PTPRN2: variants seen among roughly 807,000 people sequenced by gnomAD.
The protein encoded by PTPRN2 is receptor-type tyrosine-protein phosphatase N2.
In PTPRN2, 74 loss-of-function variants were observed where a neutral mutation model predicts 118.8. The observed-to-expected ratio is 0.62, with a 90% CI of 0.52 to 0.76. PTPRN2 has a LOEUF of 0.76. Ranked by LOEUF, PTPRN2 falls within the 30% of genes least tolerant of loss-of-function variation. The pLI, the probability that PTPRN2 is intolerant of heterozygous loss-of-function variation, is 0.00. For synonymous variants in PTPRN2, 641 were observed against 608.0 expected (o/e 1.05, Z -0.80); for missense variants, 1,481 against 1,394.4 (o/e 1.06, Z -0.99).
chr7:157,715,227 A>T (rs150134044), intron 12 of PTPRN2, among the ~76,000 whole-genome samples: 5 of 152,202 alleles, frequency 3.3e-5, no homozygotes, highest in Non-Finnish European at 5.9e-5. Context: ...GCGGGAGTCC[A>T]GGCCGTGCGC....
At chr7:157,991,638 TGG>T (rs1804260810) in intron 11 of PTPRN2, among the ~76,000 whole-genome samples, 1 of 152,346 alleles carries the variant, frequency 6.6e-6, no homozygotes, top group African/African-American at 2.4e-5. Flanking sequence ...GCAGCCTGCC[TGG>T]GACCCAGTGA....
chr7:158,122,360 C>T (rs1230441055), intron 9 of PTPRN2, among the ~76,000 whole-genome samples: 4 of 152,190 alleles, frequency 2.6e-5, no homozygotes, highest in African/African-American at 9.7e-5. Flanking sequence ...TCGGCAAGCA[C>T]TCACTGGAGG....
chr7:158,253,655 C>A lies in PTPRN2; in HGVS notation c.278-48382G>T, dbSNP rs12668840. Among the ~76,000 whole-genome samples the A allele has an allele frequency of 3.0e-4, 45 of 152,232 alleles. 1 individual carries two copies. The East Asian group carries it at 7.9e-3, about 27-fold the overall frequency. Reference sequence around the variant, plus strand: ...GTCTTCCATGAGAATCTGCAGAATGCGGCACACAGGCGAGGCAAGACTGGG... The same window carrying A: ...GTCTTCCATGAGAATCTGCAGAATGAGGCACACAGGCGAGGCAAGACTGGG... On this transcript the variant is annotated intron_variant, in intron 3 of 22. Transcript: ENST00000389418.
intron 12 of PTPRN2, among the ~76,000 whole-genome samples, chr7:157,859,813 CCA>C (rs1810074823): frequency 3.2e-5 from 4 of 126,810 alleles, no homozygotes; most frequent in Non-Finnish European, 6.7e-5. Flanking sequence ...GGAGAGTCCC[CCA>C]GCCACCACCC....
intron 12 of PTPRN2, among the ~76,000 whole-genome samples, chr7:157,774,295 G>A (rs2151033381): frequency 6.6e-6 from 1 of 152,348 alleles, no homozygotes; most frequent in Middle Eastern, 3.4e-3. Flanking sequence ...CATCCTCCAT[G>A]ATGTCTTTAT....
rs80330563 is a variant in PTPRN2, at chr7:158,059,211, A to G, written c.1723+22087T>C. 2.5e-3 allele frequency among the ~76,000 whole-genome samples: 213 copies of G among 85,518 alleles called. 5 individuals carry two copies. The highest frequency in any genetic ancestry group is 9.1e-3 in the Middle Eastern group (1 of 110). 56.1% of individuals were successfully genotyped at this position (85,518 alleles called of 152,430 possible). ...CTGCAGCCACACTCCATCTGCCCAC[A>G]GTGAGACATCACTGCAGCCACACTC... On this transcript the variant is annotated intron_variant, in intron 11 of 22. Transcript: ENST00000389418.
In PTPRN2 at chr7:157,987,457, G is replaced by A. The variant is rs1286067025; in HGVS notation, c.1724-88720C>T. Among the ~76,000 whole-genome samples the A allele has an allele frequency of 6.6e-6, 1 of 152,054 alleles. No individual in the cohort carries two copies. Among genetic ancestry groups the A allele is most frequent in the Non-Finnish European group, 1.5e-5 (1 of 68,002 alleles). ...GGGTGAGATGACAGGTCATTAATGG[G>A]GGCGTAGTGTCCGGTCACTAATAGG... On this transcript the variant is annotated intron_variant, in intron 11 of 22. Transcript: ENST00000389418. This position sits in a 1 kb window ranked among gnomAD's most constrained non-coding sequence, Gnocchi z 4.3.
chr7:157,895,527 C>CAGATG (rs2128750027), intron 12 of PTPRN2, among the ~76,000 whole-genome samples: 1 of 152,296 alleles, frequency 6.6e-6, no homozygotes, highest in African/African-American at 2.4e-5. Flanking sequence ...GGCAAAATAA[C>CAGATG]AGATTTGATA....
At chr7:157,702,414 C>T (rs1798125396) in intron 12 of PTPRN2, among the ~76,000 whole-genome samples, 1 of 152,208 alleles carries the variant, frequency 6.6e-6, no homozygotes, top group South Asian at 2.1e-4. Flanking sequence ...TATGAGAAAG[C>T]CTGGTCGGTG....
At position 158,320,453 on chromosome 7, in the gene PTPRN2, G is replaced by A. The variant is rs567118095; in HGVS notation, c.164-3521C>T. Among the ~76,000 whole-genome samples the A allele has an allele frequency of 3.3e-5, 5 of 150,340 alleles. No individual in the cohort carries two copies. The East Asian group carries it at 9.7e-4, about 29-fold the overall frequency. ...TCACCACAGTGACAATCAGCCTAACGGTGGCCGTGCCATTTTTCACTCCGA... is the reference window on the plus strand; with the variant it reads ...TCACCACAGTGACAATCAGCCTAACAGTGGCCGTGCCATTTTTCACTCCGA... On this transcript the variant is annotated intron_variant, in intron 2 of 22. Transcript: ENST00000389418.
intron 2 of PTPRN2, among the ~76,000 whole-genome samples, chr7:158,389,515 A>G (rs769275916): frequency 9.9e-5 from 15 of 152,256 alleles, no homozygotes; most frequent in Non-Finnish European, 2.2e-4. Context: ...GTCTGAGTGA[A>G]TAATTATGGT....
intron 16 of PTPRN2, among the ~76,000 whole-genome samples, chr7:157,602,105 C>G (rs985465317): frequency 6.6e-6 from 1 of 152,252 alleles, no homozygotes; most frequent in Non-Finnish European, 1.5e-5. Flanking sequence ...TTGAAACCCA[C>G]ACGGAACCAA....
chr7:158,510,333 G>T (rs1823079130), intron 1 of PTPRN2, among the ~76,000 whole-genome samples: 1 of 152,132 alleles, frequency 6.6e-6, no homozygotes, highest in South Asian at 2.1e-4. Context: ...TCAGCCCACG[G>T]CACCCACACC....
chr7:158,046,777 A>T (rs1240491462), intron 11 of PTPRN2, among the ~76,000 whole-genome samples: 3 of 152,064 alleles, frequency 2.0e-5, no homozygotes, highest in Non-Finnish European at 2.9e-5. Context: ...TCCTAACCTG[A>T]CATTTTGGAG....
intron 6 of PTPRN2, among the ~76,000 whole-genome samples, chr7:158,155,650 T>C (rs371140589): frequency 8.0e-3 from 16 of 1,994 alleles, no homozygotes; most frequent in Admixed American, 0.026. Context: ...CCGTCATCAT[T>C]GCCATCATCA....
Position 157,970,801 on chromosome 7 carries a change from G to A in PTPRN2, c.1724-72064C>T, listed in dbSNP as rs368251034. ...CATGCCCTCTCTGGGGCTCATTCTC[G>A]TGTTTCCTACCCTAATTCTAAGCTC... is the stretch of plus-strand genomic sequence containing the variant. On this transcript the variant is annotated intron_variant, in intron 11 of 22. Coordinates refer to ENST00000389418, the MANE Select transcript of PTPRN2 (RefSeq NM_002847.5). Among the ~76,000 whole-genome samples the A allele has an allele frequency of 9.2e-5, 14 of 152,232 alleles. No individual in the cohort carries two copies. In the East Asian group the frequency reaches 1.4e-3, roughly 15 times the overall value.
At chr7:157,582,892 CAAAA>C (rs555541438) in intron 17 of PTPRN2, among the ~76,000 whole-genome samples, 5 of 149,820 alleles carry the variant, frequency 3.3e-5, no homozygotes, top group Non-Finnish European at 5.9e-5. Context: ...AAAAACAAAA[CAAAA>C]AAAACAATAA....
intron 12 of PTPRN2, among the ~76,000 whole-genome samples, chr7:157,750,429 G>C (rs1361674649): frequency 1.3e-5 from 2 of 152,200 alleles, no homozygotes; most frequent in Non-Finnish European, 2.9e-5. Flanking sequence ...CCTGCTGCCA[G>C]CTCCTTGGGG....
At chr7:158,272,146 T>A (rs1005327080) in intron 3 of PTPRN2, among the ~76,000 whole-genome samples, 3 of 152,186 alleles carry the variant, frequency 2.0e-5, no homozygotes, top group African/African-American at 7.2e-5. Flanking sequence ...CTATGCACAC[T>A]TCGTGCTGAG....
Sources: allele counts gnomAD v4.1 joint callset (sites outside exome capture counted in the v4.1 genomes callset), GRCh38; gene constraint gnomAD v4.1.1; non-coding constraint Gnocchi (gnomAD v3.1); transcripts MANE v1.5; gene names NCBI Gene and HGNC (gene_info 2026-07-23, HGNC 2026-07-21).